The following DACH2 variants were observed in gnomAD, a reference collection of about 807,000 sequenced individuals.
The protein encoded by DACH2 is dachshund homolog 2.
In DACH2, 17 loss-of-function variants were observed where a neutral mutation model predicts 35.8. The ratio of observed to expected loss-of-function variants is 0.48; its 90% confidence interval spans 0.33 to 0.71. DACH2 has a LOEUF of 0.71. Among genes scored for constraint, DACH2 ranks in the 30% least tolerant of loss-of-function variants. The probability of loss-of-function intolerance (pLI) is 0.02; values close to 1 mark genes in which losing one functional copy is unlikely to be tolerated. For missense variants in DACH2, 469 were observed against 472.7 expected, an observed-to-expected ratio of 0.99 and a Z score of 0.07; for synonymous variants, 195 against 177.3, an observed-to-expected ratio of 1.10 and a Z score of -0.79.
At chrX:86,573,650 C>G (rs1454033869) in intron 3 of DACH2, among the ~76,000 whole-genome samples, 1 of 111,500 alleles carries the variant, frequency 9.0e-6, no homozygotes, top group Non-Finnish European at 1.9e-5. Context: ...GAAGTTTTTT[C>G]CTCCATAGGT....
chrX:86,652,329 T>A (rs1427933490), intron 4 of DACH2, among the ~76,000 whole-genome samples: 1 of 112,408 alleles, frequency 8.9e-6, no homozygotes, highest in East Asian at 2.8e-4. Context: ...TCCCACATTT[T>A]CTTTATCCAC....
intron 2 of DACH2, among the ~76,000 whole-genome samples, chrX:86,386,073 T>G (rs1282753627): frequency 9.0e-6 from 1 of 111,686 alleles, no homozygotes; most frequent in African/African-American, 3.3e-5. Flanking sequence ...TCTTCAGCTT[T>G]TCTCTAATGT....
intron 3 of DACH2, among the ~76,000 whole-genome samples, chrX:86,520,014 CT>C (rs2038529504): frequency 9.0e-6 from 1 of 111,045 alleles, no homozygotes; most frequent in Admixed American, 9.7e-5. Flanking sequence ...AATTTGAGAT[CT>C]TTCTAACTTT....
chrX:86,577,194 G>A (rs1028971121), intron 3 of DACH2, among the ~76,000 whole-genome samples: 5 of 111,282 alleles, frequency 4.5e-5, no homozygotes, highest in African/African-American at 1.3e-4. Flanking sequence ...TAAAGATTTT[G>A]GGGATGTGCA....
intron 1 of DACH2, among the ~76,000 whole-genome samples, chrX:86,310,493 C>A (rs1293720308): frequency 9.0e-6 from 1 of 111,421 alleles, no homozygotes; most frequent in African/African-American, 3.3e-5. Context: ...CAGGCACCAC[C>A]CAAAAGTGGA....
intron 3 of DACH2, among the ~76,000 whole-genome samples, chrX:86,644,825 T>C (rs1255736784): frequency 1.8e-5 from 2 of 111,436 alleles, no homozygotes; most frequent in Non-Finnish European, 3.8e-5. Context: ...AAAGACTCCC[T>C]ATTTCATAAA....
intron 2 of DACH2, among the ~76,000 whole-genome samples, chrX:86,477,339 C>CATATAT (rs56255658): frequency 0.023 from 1,717 of 75,730 alleles, 28 homozygotes; most frequent in Non-Finnish European, 0.029. Flanking sequence ...GTGTTGAGTG[C>CATATAT]ATATATATAT....
chrX:86,315,511 G>T (rs1028862792), intron 1 of DACH2, among the ~76,000 whole-genome samples: 1 of 111,327 alleles, frequency 9.0e-6, no homozygotes, highest in Non-Finnish European at 1.9e-5. Flanking sequence ...GGCTATAGCG[G>T]CCACAGATAG....
chrX:86,662,712 G>T (rs952105515), intron 4 of DACH2, among the ~76,000 whole-genome samples: 4 of 111,823 alleles, frequency 3.6e-5, no homozygotes, highest in African/African-American at 1.3e-4. Flanking sequence ...TGGGTGAACT[G>T]TCTTAAGGTA....
intron 4 of DACH2, among the ~76,000 whole-genome samples, chrX:86,682,460 A>G (rs187466003): frequency 7.8e-4 from 87 of 111,961 alleles, no homozygotes; most frequent in South Asian, 5.9e-3. Flanking sequence ...TCTGAGGATT[A>G]GGTGAATACT....
At chrX:86,219,310 T>C (rs1034001454) in intron 1 of DACH2, among the ~76,000 whole-genome samples, 3 of 111,765 alleles carry the variant, frequency 2.7e-5, no homozygotes, top group Non-Finnish European at 5.6e-5. Context: ...TAAACCACTT[T>C]TTAAAAACTT....
chrX:86,577,028 C>A (rs2039444117), intron 3 of DACH2, among the ~76,000 whole-genome samples: 1 of 112,017 alleles, frequency 8.9e-6, no homozygotes, highest in African/African-American at 3.2e-5. Flanking sequence ...ATTACCCAAT[C>A]TCAGGTATTC....
chrX:86,319,598 T>C (rs920353665), intron 1 of DACH2, among the ~76,000 whole-genome samples: 23 of 112,037 alleles, frequency 2.1e-4, no homozygotes, highest in Admixed American at 2.0e-3. Flanking sequence ...AAAGAAGCAG[T>C]TACAACCTTA....
Position 86,382,461 on chromosome X carries a change from T to TACACACACAC in DACH2, c.527+5634_527+5643dup, listed in dbSNP as rs55825336. Among the ~76,000 whole-genome samples the TACACACACAC allele has an allele frequency of 2.5e-3, 232 of 94,616 alleles. 1 individual carries two copies. The highest frequency in any genetic ancestry group is 8.8e-3 in the African/African-American group (220 of 25,029). 82.2% of individuals were successfully genotyped at this position (94,616 alleles called of 115,157 possible). ...CAGAGTTGCAAATATGCTACATTCA[T>TACACACACAC]ACACACACACACACACACACACACA... is the stretch of plus-strand genomic sequence containing the variant. On this transcript the variant is annotated intron_variant, in intron 2 of 11. Transcript: ENST00000373125.
intron 1 of DACH2, among the ~76,000 whole-genome samples, chrX:86,367,040 G>C (rs746143813): frequency 1.8e-5 from 2 of 111,080 alleles, no homozygotes; most frequent in African/African-American, 3.3e-5. Flanking sequence ...ATTTGAAAGA[G>C]AGAATTAGAT....
At chrX:86,186,871 C>T (rs1408340042) in intron 1 of DACH2, among the ~76,000 whole-genome samples, 1 of 111,604 alleles carries the variant, frequency 9.0e-6, no homozygotes, top group East Asian at 2.8e-4. Flanking sequence ...CTTCTTTATA[C>T]ATATATTTTC....
chrX:86,155,233 AT>A (rs1233828559), intron 1 of DACH2, among the ~76,000 whole-genome samples: 2 of 110,753 alleles, frequency 1.8e-5, no homozygotes, highest in Non-Finnish European at 3.8e-5. Context: ...TTATGAAGGG[AT>A]TTAGAACCCC....
At chrX:86,632,494 GCACACACACACACA>G (rs3041616) in intron 3 of DACH2, among the ~76,000 whole-genome samples, 3 of 95,973 alleles carry the variant, frequency 3.1e-5, no homozygotes, top group East Asian at 3.3e-4. Flanking sequence ...TCATACACAT[GCACACACACACACA>G]CACACACACA....
chrX:86,217,481 A>T (rs1034952678), intron 1 of DACH2, among the ~76,000 whole-genome samples: 1 of 111,986 alleles, frequency 8.9e-6, no homozygotes, highest in African/African-American at 3.2e-5. Context: ...AATGTCACTT[A>T]TTACATCTAA....
Sources: allele counts gnomAD v4.1 joint callset (sites outside exome capture counted in the v4.1 genomes callset), GRCh38; gene constraint gnomAD v4.1.1; transcripts MANE v1.5; gene names NCBI Gene and HGNC (gene_info 2026-07-23, HGNC 2026-07-21).